The following TCERG1L variants were observed in gnomAD, a reference collection of about 807,000 sequenced individuals.
The protein encoded by TCERG1L is transcription elongation regulator 1 like.
Under a neutral mutation model 56.3 loss-of-function variants are expected in TCERG1L, and 37 were observed. The observed-to-expected ratio is 0.66, with a 90% confidence interval of 0.51 to 0.87. TCERG1L has a LOEUF of 0.87. Ranked by LOEUF, TCERG1L falls within the 40% of genes least tolerant of loss-of-function variation. The probability of loss-of-function intolerance (pLI) is 0.00; values close to 1 mark genes in which losing one functional copy is unlikely to be tolerated. For missense variants in TCERG1L, 799 were observed against 774.2 expected, an observed-to-expected ratio of 1.03 and a Z score of -0.38; for synonymous variants, 324 against 326.3, an observed-to-expected ratio of 0.99 and a Z score of 0.08.
chr10:131,199,725 C>T (rs530835464), intron 4 of TCERG1L, among the ~76,000 whole-genome samples: 1 of 152,330 alleles, frequency 6.6e-6, no homozygotes, highest in African/African-American at 2.4e-5. Context: ...TAAAGGGCCA[C>T]ATACCAGGCA....
chr10:131,301,807 G>A (rs984603943), intron 3 of TCERG1L, among the ~76,000 whole-genome samples: 7 of 151,848 alleles, frequency 4.6e-5, no homozygotes, highest in Non-Finnish European at 8.8e-5. Flanking sequence ...AAGAATAAAA[G>A]AAAATAAAAA....
intron 4 of TCERG1L, among the ~76,000 whole-genome samples, chr10:131,167,993 C>T (rs544661170): frequency 6.6e-6 from 1 of 152,298 alleles, no homozygotes; most frequent in Non-Finnish European, 1.5e-5. Context: ...AAAGCCCTGG[C>T]CAGGTCTCAT....
intron 11 of TCERG1L, among the ~76,000 whole-genome samples, chr10:131,097,668 A>G (rs1845264016): frequency 6.6e-6 from 1 of 152,218 alleles, no homozygotes. Flanking sequence ...CTTTTTAAAG[A>G]TCAGTCAATT....
chr10:131,211,362 C>T (rs767617415), intron 4 of TCERG1L, among the ~76,000 whole-genome samples: 8 of 152,218 alleles, frequency 5.3e-5, no homozygotes, highest in Admixed American at 2.0e-4. Context: ...CCCCTGAGCA[C>T]GGGGCTCTGA....
intron 7 of TCERG1L, among the ~76,000 whole-genome samples, chr10:131,135,681 T>C (rs1845667955): frequency 6.6e-6 from 1 of 152,184 alleles, no homozygotes; most frequent in African/African-American, 2.4e-5. Context: ...AGGCAGCTCA[T>C]GGTCACCCCT....
chr10:131,186,993 C>A (rs1845251505), intron 4 of TCERG1L, among the ~76,000 whole-genome samples: 1 of 152,204 alleles, frequency 6.6e-6, no homozygotes, highest in African/African-American at 2.4e-5. Context: ...CACCTCCAGC[C>A]CTTAGGTTGG....
intron 4 of TCERG1L, among the ~76,000 whole-genome samples, chr10:131,177,178 A>G (rs1381328464): frequency 6.6e-6 from 1 of 152,220 alleles, no homozygotes; most frequent in African/African-American, 2.4e-5. Context: ...GGACACACAC[A>G]GACATGCACA....
chr10:131,227,511 T>G (rs1273943516), intron 4 of TCERG1L, among the ~76,000 whole-genome samples: 1 of 152,136 alleles, frequency 6.6e-6, no homozygotes, highest in African/African-American at 2.4e-5. Flanking sequence ...ACACACCTAA[T>G]ATAGACCTGA....
chr10:131,186,938 A>G (rs1845251130), intron 4 of TCERG1L, among the ~76,000 whole-genome samples: 1 of 152,236 alleles, frequency 6.6e-6, no homozygotes, highest in Non-Finnish European at 1.5e-5. Flanking sequence ...AGAGCTTTGA[A>G]AAGTCAGAAG....
At position 131,189,219 on chromosome 10, in the gene TCERG1L, A is replaced by AT. The variant is rs375571165; in HGVS notation, c.857-22335dup. Among the ~76,000 whole-genome samples the AT allele has an allele frequency of 5.1e-3, 773 of 152,268 alleles. 5 individuals carry two copies. Among genetic ancestry groups the AT allele is most frequent in the Middle Eastern group, 0.037 (11 of 294 alleles). On this transcript the variant is annotated intron_variant, in intron 4 of 11. Transcript: ENST00000368642. ...TATAAATTTATAGGGCACAAGTGCAATTTTATGACATGCATAGATAGGGTA... is the reference window on the plus strand; with the variant it reads ...TATAAATTTATAGGGCACAAGTGCAATTTTTATGACATGCATAGATAGGGTA...
intron 6 of TCERG1L, among the ~76,000 whole-genome samples, chr10:131,154,172 G>A (rs1040996682): frequency 2.6e-5 from 4 of 152,180 alleles, no homozygotes; most frequent in African/African-American, 4.8e-5. Context: ...AGAGGATATA[G>A]TTAGTGTATC....
At chr10:131,259,985 A>C (rs1044958846) in intron 4 of TCERG1L, among the ~76,000 whole-genome samples, 1 of 152,250 alleles carries the variant, frequency 6.6e-6, no homozygotes, top group African/African-American at 2.4e-5. Flanking sequence ...CAGTTAGTAA[A>C]GAGAAGTCTC....
intron 4 of TCERG1L, among the ~76,000 whole-genome samples, chr10:131,167,494 T>C (rs1846044350): frequency 1.3e-5 from 2 of 152,378 alleles, no homozygotes; most frequent in South Asian, 4.1e-4. Flanking sequence ...AAAACACTGT[T>C]GGCCAAGCCT....
chr10:131,131,056 C>T (rs1472460222), intron 8 of TCERG1L, among the ~76,000 whole-genome samples: 1 of 152,208 alleles, frequency 6.6e-6, no homozygotes, highest in African/African-American at 2.4e-5. Context: ...GTGCATTTCA[C>T]AAGCCCTGGG....
intron 3 of TCERG1L, among the ~76,000 whole-genome samples, chr10:131,291,828 G>T (rs1401454321): frequency 6.6e-6 from 1 of 151,812 alleles, no homozygotes; most frequent in African/African-American, 2.4e-5. Context: ...TCTCTGTTTA[G>T]ATTTCACACA....
chr10:131,295,872 C>T (rs2944514), intron 3 of TCERG1L, among the ~76,000 whole-genome samples: 29,214 of 152,104 alleles, frequency 0.19, 3,741 homozygotes, highest in Non-Finnish European at 0.28. Flanking sequence ...TTCACAAATA[C>T]CTCCCTATTT....
intron 3 of TCERG1L, among the ~76,000 whole-genome samples, chr10:131,271,333 C>T (rs748198104): frequency 3.2e-4 from 48 of 152,224 alleles, no homozygotes; most frequent in Non-Finnish European, 5.9e-5. Context: ...CGCAGCTGGG[C>T]GGCTCTCCAG....
intron 4 of TCERG1L, among the ~76,000 whole-genome samples, chr10:131,195,486 C>G (rs1365584419): frequency 1.3e-5 from 2 of 152,214 alleles, no homozygotes; most frequent in African/African-American, 4.8e-5. Flanking sequence ...CCACAGCAGG[C>G]CAGCTTATCT....
At position 131,123,716 on chromosome 10, in the gene TCERG1L, T is replaced by C. The variant is rs1845536305; in HGVS notation, c.1260-6782A>G. Reference sequence around the variant, plus strand: ...CTGCTTGCCCGGCCAGGGGCCGCTCTGAGCCTTGGAGTGCAGAGACAACTC... The same window carrying C: ...CTGCTTGCCCGGCCAGGGGCCGCTCCGAGCCTTGGAGTGCAGAGACAACTC... On this transcript the variant is annotated intron_variant, in intron 8 of 11. Coordinates refer to ENST00000368642, the MANE Select transcript of TCERG1L (RefSeq NM_174937.4). Among the ~76,000 whole-genome samples, 3 of 151,996 alleles carry C rather than the reference T, an allele frequency of 2.0e-5. No individual in the cohort carries two copies. In the South Asian group the frequency reaches 6.2e-4, roughly 32 times the overall value.
Sources: allele counts gnomAD v4.1 joint callset (sites outside exome capture counted in the v4.1 genomes callset), GRCh38; gene constraint gnomAD v4.1.1; transcripts MANE v1.5; gene names NCBI Gene and HGNC (gene_info 2026-07-23, HGNC 2026-07-21).